Variants in TRAP1 observed in about 807,000 individuals in gnomAD.
TRAP1 encodes heat shock protein 75 kDa, mitochondrial.
In TRAP1, 102 loss-of-function variants were observed where a neutral mutation model predicts 89.1. The observed-to-expected ratio is 1.15, with a 90% confidence interval of 0.98 to 1.35. The LOEUF is 1.35. Ranked by LOEUF, TRAP1 falls within the 40% of genes most tolerant of loss-of-function variation. The pLI, the probability that TRAP1 is intolerant of heterozygous loss-of-function variation, is 0.00. For missense variants in TRAP1, 1,256 were observed against 945.3 expected (o/e 1.33, Z -4.31); for synonymous variants, 508 against 388.0 (o/e 1.31, Z -3.64).
chr16:3,669,062 C>T (rs753339314), intron 11 of TRAP1, among the ~76,000 whole-genome samples: 1 of 152,168 alleles, frequency 6.6e-6, no homozygotes, highest in Non-Finnish European at 1.5e-5. Context: ...GGACATTGTA[C>T]CTGGAACCTC....
At chr16:3,695,844 G>C (rs770409115) in intron 1 of TRAP1, among the ~76,000 whole-genome samples, 82 of 152,294 alleles carry the variant, frequency 5.4e-4, no homozygotes, top group Middle Eastern at 3.4e-3. Context: ...GCTGATTGTG[G>C]CTACTGAGTT....
intron 1 of TRAP1, among the ~76,000 whole-genome samples, chr16:3,696,426 A>G (rs2051288090): frequency 6.6e-6 from 1 of 152,226 alleles, no homozygotes; most frequent in African/African-American, 2.4e-5. Flanking sequence ...TCAAGCAAAC[A>G]TCGGTGCACA....
intron 11 of TRAP1, among the ~76,000 whole-genome samples, 154 bp downstream of exon 11, chr16:3,671,568 T>C (rs1389271223): frequency 6.6e-6 from 1 of 152,184 alleles, no homozygotes; most frequent in Non-Finnish European, 1.5e-5. Context: ...GGCCAGCACC[T>C]GGAAGGCTCC....
intron 1 of TRAP1, among the ~76,000 whole-genome samples, chr16:3,716,010 G>A (rs1002054012): frequency 7.2e-5 from 11 of 152,020 alleles, no homozygotes; most frequent in South Asian, 2.1e-4. Context: ...TTACAGGCGC[G>A]CGCCACCACA....
intron 8 of TRAP1, 126 bp from the exon 9 acceptor site, chr16:3,674,620 TC>T: frequency 8.3e-7 from 1 of 1,207,016 alleles, no homozygotes; most frequent in Non-Finnish European, 1.2e-6. Context: ...GGCGGTGGTC[TC>T]AGGCGTAGAC....
At position 3,680,703 on chromosome 16, in the gene TRAP1, G is replaced by A. The variant is rs147942702; in HGVS notation, c.472-913C>T. Among the ~76,000 whole-genome samples the A allele has an allele frequency of 3.5e-3, 532 of 152,346 alleles. 2 individuals carry two copies. Among genetic ancestry groups the A allele is most frequent in the African/African-American group, 0.012 (507 of 41,578 alleles). ...CATATATTAAGACCTAAGTCCCAAG[G>A]GGATGGCACTGGGAGGGGGGCCTTG... On this transcript the variant is annotated intron_variant, in intron 4 of 17. Coordinates refer to ENST00000246957, the MANE Select transcript of TRAP1 (RefSeq NM_016292.3).
At chr16:3,680,589 T>C (rs1032559503) in intron 4 of TRAP1, among the ~76,000 whole-genome samples, 1 of 152,236 alleles carries the variant, frequency 6.6e-6, no homozygotes, top group Non-Finnish European at 1.5e-5. Flanking sequence ...ACGCCTCTCC[T>C]GCGGGAAGGC....
At chr16:3,712,151 TG>T (rs1160124186) in intron 1 of TRAP1, among the ~76,000 whole-genome samples, 1 of 151,712 alleles carries the variant, frequency 6.6e-6, no homozygotes, top group Non-Finnish European at 1.5e-5. Context: ...TGGCTGGCCA[TG>T]GTGGCATGCA....
chr16:3,701,943 GC>G (rs2051371137), intron 1 of TRAP1, among the ~76,000 whole-genome samples: 1 of 152,108 alleles, frequency 6.6e-6, no homozygotes, highest in African/African-American at 2.4e-5. Flanking sequence ...CGGCACGGTG[GC>G]TCACACCTGT....
intron 1 of TRAP1, among the ~76,000 whole-genome samples, chr16:3,705,768 C>T (rs964760028): frequency 6.6e-6 from 1 of 151,960 alleles, no homozygotes; most frequent in Non-Finnish European, 1.5e-5. Flanking sequence ...CAACCTCTGC[C>T]TCCCGGGTTC....
rs188881392 is a variant in TRAP1, at chr16:3,676,340, G to A, written c.705-195C>T. The A allele has an allele frequency of 5.9e-4, 165 of 280,916 alleles. 1 individual carries two copies. The East Asian group carries it at 0.016, about 27-fold the overall frequency. The allele number at this position is 280,916 out of a possible 1,614,324, so 17.4% of individuals were successfully genotyped here. On this transcript the variant is annotated intron_variant, in intron 6 of 17. Transcript: ENST00000246957. Reference sequence around the variant, plus strand: ...ATCAGGAACGATGAGCCTGTCGCAGGCGGCAGAGTTCTCCTGGTTCCCTCG... The same window carrying A: ...ATCAGGAACGATGAGCCTGTCGCAGACGGCAGAGTTCTCCTGGTTCCCTCG...
At chr16:3,699,756 C>G (rs572881013) in intron 1 of TRAP1, among the ~76,000 whole-genome samples, 3 of 151,878 alleles carry the variant, frequency 2.0e-5, no homozygotes, top group African/African-American at 7.2e-5. Flanking sequence ...CAGTCTTGAA[C>G]TCCTGGGCTC....
At chr16:3,664,140 T>C in intron 13 of TRAP1, 134 bp downstream of exon 13, 1 of 931,944 alleles carries the variant, frequency 1.1e-6, no homozygotes, top group Non-Finnish European at 1.5e-6. Flanking sequence ...GTCCGGCCTC[T>C]GTGCCCGTGA....
At chr16:3,714,284 T>C (rs891041899) in intron 1 of TRAP1, among the ~76,000 whole-genome samples, 1 of 152,230 alleles carries the variant, frequency 6.6e-6, no homozygotes, top group African/African-American at 2.4e-5. Flanking sequence ...ATTGGAAATG[T>C]ATTTGCTGAA....
intron 1 of TRAP1, among the ~76,000 whole-genome samples, chr16:3,711,633 A>G (rs1432393051): frequency 1.3e-5 from 2 of 152,048 alleles, no homozygotes; most frequent in Admixed American, 1.3e-4. Flanking sequence ...ACCAAAACAA[A>G]AACAAAAAAA....
rs59479410 is a variant in TRAP1 at position 3,677,608 on chromosome 16, G to A, written c.594C>T (p.Ile198=). 4,823 of 1,614,068 alleles carry A rather than the reference G, an allele frequency of 3.0e-3. 119 individuals carry two copies. The African/African-American group carries it at 0.055, about 18-fold the overall frequency. ...QNQAEASSKI[I]GQFGVGFYSA... is the part of the protein sequence containing the mutation. ...AGTAGAAACCCACTCCAAACTGGCC[G>A]ATGATCTTGCTGCTGGCCTCAGCCT... Residue 198 remains isoleucine (I), a synonymous_variant, in exon 6 of 18, where the codon ATC becomes ATT. Transcript: ENST00000246957.
intron 11 of TRAP1, among the ~76,000 whole-genome samples, chr16:3,668,364 C>T (rs987238962): frequency 6.6e-5 from 10 of 152,076 alleles, no homozygotes; most frequent in Admixed American, 5.9e-4. Flanking sequence ...CCGGCCAACA[C>T]ATAAATATTT....
At chr16:3,689,772 C>T (rs1016665546) in intron 2 of TRAP1, 4 of 152,390 alleles carry the variant, frequency 2.6e-5, no homozygotes, top group South Asian at 2.1e-4. Flanking sequence ...CCAGGGAGGT[C>T]GAGGCTTCAG....
rs201982862 is a variant in TRAP1, at chr16:3,675,990, C to A, written c.814+46G>T. The A allele has an allele frequency of 1.2e-5, 19 of 1,541,722 alleles. No individual in the cohort carries two copies. The African/African-American group carries it at 1.8e-4, about 14-fold the overall frequency. The stretch of plus-strand genomic sequence containing the variant: ...GCCTGCTGACCTGGTGGCCTCCAGG[C>A]CACACATGGATCCCAGAGTGAGCCT... On this transcript the variant is annotated intron_variant, in intron 7 of 17. Transcript: ENST00000246957.
Sources: allele counts gnomAD v4.1 joint callset (sites outside exome capture counted in the v4.1 genomes callset), GRCh38; gene constraint gnomAD v4.1.1; transcripts MANE v1.5; gene names NCBI Gene and HGNC (gene_info 2026-07-23, HGNC 2026-07-21).